The following DLC1 variants were observed in gnomAD, a reference collection of about 807,000 sequenced individuals.
DLC1 encodes DLC1 Rho GTPase activating protein, also known as rho GTPase-activating protein 7.
Under a neutral mutation model 140.3 loss-of-function variants are expected in DLC1, and 54 were observed. The observed-to-expected ratio is 0.38, with a 90% CI of 0.31 to 0.48. The LOEUF is 0.48. DLC1 is among the 20% of genes least tolerant of loss of function. The pLI is 0.96. For synonymous variants in DLC1, 986 were observed against 728.1 expected, an observed-to-expected ratio of 1.35 and a Z score of -5.70; for missense variants, 2,536 against 1,907.0, an observed-to-expected ratio of 1.33 and a Z score of -6.14.
At chr8:13,425,815 C>A (rs1585087068) in intron 2 of DLC1, among the ~76,000 whole-genome samples, 1 of 152,102 alleles carries the variant, frequency 6.6e-6, no homozygotes, top group Non-Finnish European at 1.5e-5. Flanking sequence ...CTCACTGTTG[C>A]CTGGGCTGTA....
At chr8:13,399,198 A>T (rs1837186221) in intron 3 of DLC1, among the ~76,000 whole-genome samples, 1 of 152,174 alleles carries the variant, frequency 6.6e-6, no homozygotes. Flanking sequence ...CTTCAAAAAT[A>T]TGTCATTATT....
At chr8:13,230,007 C>T (rs184992648) in intron 5 of DLC1, among the ~76,000 whole-genome samples, 2 of 152,318 alleles carry the variant, frequency 1.3e-5, no homozygotes, top group African/African-American at 4.8e-5. Context: ...ACAGACACTA[C>T]TGATGGAGGC....
intron 5 of DLC1, among the ~76,000 whole-genome samples, chr8:13,228,098 T>C (rs1828876694): frequency 6.6e-6 from 1 of 152,148 alleles, no homozygotes; most frequent in African/African-American, 2.4e-5. Context: ...TGTAAATCTG[T>C]ATATAAATGG....
intron 5 of DLC1, among the ~76,000 whole-genome samples, chr8:13,207,497 T>C (rs1180939361): frequency 1.3e-5 from 2 of 152,214 alleles, no homozygotes; most frequent in Non-Finnish European, 2.9e-5. Flanking sequence ...TTCAAGCATA[T>C]TCTGTCATAT....
chr8:13,272,724 AT>A (rs1489222005), intron 5 of DLC1, among the ~76,000 whole-genome samples: 2 of 151,980 alleles, frequency 1.3e-5, no homozygotes, highest in Non-Finnish European at 2.9e-5. Context: ...GAAAAAAAAA[AT>A]TAGCTGGGCG....
intron 1 of DLC1, among the ~76,000 whole-genome samples, chr8:13,573,891 T>C (rs1804749589): frequency 2.0e-5 from 3 of 152,304 alleles, no homozygotes; most frequent in Middle Eastern, 3.4e-3. Context: ...GCTTAATTAA[T>C]ATGCTTTTCT....
intron 4 of DLC1, among the ~76,000 whole-genome samples, chr8:13,392,963 C>T (rs1294224257): frequency 6.6e-6 from 1 of 152,118 alleles, no homozygotes; most frequent in African/African-American, 2.4e-5. Context: ...ATTTAATTCC[C>T]ACAGAAAATG....
chr8:13,329,297 C>A (rs886587509), intron 4 of DLC1, among the ~76,000 whole-genome samples: 7 of 152,104 alleles, frequency 4.6e-5, no homozygotes, highest in Admixed American at 1.3e-4. Context: ...TTTTTCACGT[C>A]AAGACATACA....
chr8:13,459,754 G>GA (rs1305576019), intron 2 of DLC1, among the ~76,000 whole-genome samples: 3 of 151,340 alleles, frequency 2.0e-5, no homozygotes, highest in South Asian at 2.1e-4. Flanking sequence ...TTGATTTTTA[G>GA]AAAAAAAAGG....
chr8:13,517,952 G>T (rs1802643360), upstream of DLC1, among the ~76,000 whole-genome samples: 1 of 151,892 alleles, frequency 6.6e-6, no homozygotes, highest in Non-Finnish European at 1.5e-5. Context: ...CTCTCTTTCA[G>T]GTATTTTTAG....
intron 2 of DLC1, among the ~76,000 whole-genome samples, chr8:13,463,048 C>G (rs890232862): frequency 6.6e-6 from 1 of 151,818 alleles, no homozygotes; most frequent in Admixed American, 6.6e-5. Context: ...TATTGACTAT[C>G]CAACATAGCC....
chr8:13,151,193 T>C (rs1823781957), intron 5 of DLC1, among the ~76,000 whole-genome samples: 1 of 152,226 alleles, frequency 6.6e-6, no homozygotes, highest in Admixed American at 6.5e-5. Flanking sequence ...GATGTTTACA[T>C]GGGAAGACTC....
intron 1 of DLC1, among the ~76,000 whole-genome samples, chr8:13,596,858 G>C (rs1431857351): frequency 1.3e-5 from 2 of 151,932 alleles, no homozygotes; most frequent in Non-Finnish European, 2.9e-5. Flanking sequence ...TGTAAATTTT[G>C]GTAGAGGTAA....
chr8:13,112,798 C>T (rs977059525), intron 6 of DLC1, among the ~76,000 whole-genome samples: 1 of 152,192 alleles, frequency 6.6e-6, no homozygotes, highest in African/African-American at 2.4e-5. Flanking sequence ...CCTCCCACCT[C>T]AGCCTCCCAA....
chr8:13,300,978 G>T (rs945035887), intron 5 of DLC1, among the ~76,000 whole-genome samples: 8 of 152,132 alleles, frequency 5.3e-5, no homozygotes, highest in Non-Finnish European at 1.2e-4. Flanking sequence ...ATGGACAAGG[G>T]TGATGAGAGG....
At chr8:13,466,698 G>C (rs904628470) in intron 2 of DLC1, among the ~76,000 whole-genome samples, 2 of 152,132 alleles carry the variant, frequency 1.3e-5, no homozygotes, top group African/African-American at 4.8e-5. Flanking sequence ...CACAAAATTA[G>C]AGGTAAAAAA....
At chr8:13,396,894 C>T (rs567670780) in intron 3 of DLC1, among the ~76,000 whole-genome samples, 5 of 152,218 alleles carry the variant, frequency 3.3e-5, no homozygotes, top group African/African-American at 1.2e-4. Context: ...AGTGAATAAA[C>T]CCTGGGTACT....
At chr8:13,089,466 A>T (rs1817860796) in intron 15 of DLC1, among the ~76,000 whole-genome samples, 2 of 151,836 alleles carry the variant, frequency 1.3e-5, no homozygotes, top group South Asian at 4.2e-4. Flanking sequence ...CTCTACTAAA[A>T]ATACAAAAAT....
chr8:13,576,548 T>G (rs141870528), intron 1 of DLC1, among the ~76,000 whole-genome samples: 1 of 152,220 alleles, frequency 6.6e-6, no homozygotes, highest in Non-Finnish European at 1.5e-5. Flanking sequence ...CTTTTAACAT[T>G]GTGGGTTCTG....
Sources: gnomAD v4.1 joint callset for allele counts (sites outside exome capture counted in the v4.1 genomes callset) on GRCh38, gnomAD v4.1.1 for gene constraint, MANE v1.5 for transcripts, NCBI Gene and HGNC (gene_info 2026-07-23, HGNC 2026-07-21) for gene names.